Variants in B3GALT1 observed in about 807,000 individuals in gnomAD.
B3GALT1 encodes UDP-Gal:betaGlcNAc beta 1,3-galactosyltransferase, polypeptide 1.
B3GALT1 carries 10 observed loss-of-function variants against 23.2 expected under a neutral mutation model. The ratio of observed to expected loss-of-function variants is 0.43; its 90% confidence interval spans 0.27 to 0.73. B3GALT1 has a LOEUF of 0.73. B3GALT1 is among the 30% of genes least tolerant of loss of function. The pLI is 0.21. For synonymous variants in B3GALT1, 156 were observed against 141.5 expected (o/e 1.10, Z -0.73); for missense variants, 299 against 405.4 (o/e 0.74, Z 2.25).
intron 4 of B3GALT1, among the ~76,000 whole-genome samples, chr2:167,836,759 T>G (rs371787262): frequency 6.6e-6 from 1 of 151,900 alleles, no homozygotes; most frequent in African/African-American, 2.4e-5. Context: ...AGGAAAAAAT[T>G]TTAAGGCAGC....
intron 3 of B3GALT1, among the ~76,000 whole-genome samples, chr2:167,663,351 G>A (rs375765578): frequency 3.2e-4 from 49 of 151,248 alleles, no homozygotes; most frequent in Admixed American, 7.3e-4. Context: ...TTCTTAATCC[G>A]GTCTATCATT....
At chr2:167,379,319 T>C (rs1697809443) in intron 1 of B3GALT1, among the ~76,000 whole-genome samples, 1 of 152,136 alleles carries the variant, frequency 6.6e-6, no homozygotes. Context: ...ATGTGGGGAT[T>C]ATGGGGATTA....
intron 3 of B3GALT1, among the ~76,000 whole-genome samples, chr2:167,692,879 T>C (rs1208965182): frequency 1.3e-5 from 2 of 152,078 alleles, no homozygotes; most frequent in Admixed American, 6.6e-5. Context: ...GTGGATAATC[T>C]GGGAGAAAAC....
chr2:167,723,115 G>A (rs779492782), intron 3 of B3GALT1, among the ~76,000 whole-genome samples: 2 of 152,142 alleles, frequency 1.3e-5, no homozygotes, highest in Non-Finnish European at 2.9e-5. Flanking sequence ...CTTTTCTAAG[G>A]TTGTGATGAA....
chr2:167,707,371 G>T (rs921192744), intron 3 of B3GALT1, among the ~76,000 whole-genome samples: 10 of 152,136 alleles, frequency 6.6e-5, no homozygotes, highest in African/African-American at 2.4e-5. Flanking sequence ...ATTCTTGGTG[G>T]TTTAAAACAA....
At chr2:167,825,283 C>CAAAAA (rs71963760) in intron 4 of B3GALT1, among the ~76,000 whole-genome samples, 4 of 82,218 alleles carry the variant, frequency 4.9e-5, no homozygotes, top group Non-Finnish European at 7.3e-5. Context: ...GACTCCGTCT[C>CAAAAA]AAAAAAAAAA....
At chr2:167,403,253 G>T (rs1559086148) in intron 1 of B3GALT1, among the ~76,000 whole-genome samples, 1 of 69,600 alleles carries the variant, frequency 1.4e-5, no homozygotes, top group Non-Finnish European at 3.2e-5. Context: ...ATTCCCACCT[G>T]TGAGTGAGAA....
intron 1 of B3GALT1, among the ~76,000 whole-genome samples, chr2:167,375,571 A>G (rs1266312421): frequency 6.6e-6 from 1 of 151,980 alleles, no homozygotes; most frequent in Non-Finnish European, 1.5e-5. Context: ...GGTTAGATAT[A>G]TTCCTAGGTA....
intron 3 of B3GALT1, among the ~76,000 whole-genome samples, chr2:167,691,646 G>A (rs1266673650): frequency 6.6e-6 from 1 of 152,224 alleles, no homozygotes; most frequent in African/African-American, 2.4e-5. Flanking sequence ...TTTTGTTGGT[G>A]CGTAGCAGAT....
intron 2 of B3GALT1, among the ~76,000 whole-genome samples, chr2:167,535,780 C>T (rs73026017): frequency 0.029 from 4,371 of 152,048 alleles, 205 homozygotes; most frequent in African/African-American, 0.1. Context: ...ACTCCTGTTA[C>T]ATAGAATACA....
At chr2:167,666,297 G>T (rs185161006) in intron 3 of B3GALT1, among the ~76,000 whole-genome samples, 31 of 152,286 alleles carry the variant, frequency 2.0e-4, no homozygotes, top group Non-Finnish European at 3.7e-4. Flanking sequence ...TAGTTTGATT[G>T]CACTGTGGTC....
At chr2:167,499,038 C>T (rs945404530) in intron 2 of B3GALT1, among the ~76,000 whole-genome samples, 6 of 152,088 alleles carry the variant, frequency 3.9e-5, no homozygotes, top group Non-Finnish European at 7.4e-5. Flanking sequence ...TTGGTGGTTA[C>T]ACTTTTATAT....
intron 3 of B3GALT1, among the ~76,000 whole-genome samples, chr2:167,682,966 G>C (rs1352025988): frequency 2.6e-5 from 4 of 152,188 alleles, no homozygotes; most frequent in Non-Finnish European, 5.9e-5. Flanking sequence ...ATCATACAGA[G>C]CGTTCAGCTT....
intron 1 of B3GALT1, among the ~76,000 whole-genome samples, chr2:167,416,945 T>C (rs553045945): frequency 8.7e-4 from 133 of 152,344 alleles, no homozygotes; most frequent in African/African-American, 3.1e-3. Flanking sequence ...TATTATTGTA[T>C]CTTGAAAGTA....
intron 1 of B3GALT1, among the ~76,000 whole-genome samples, chr2:167,411,254 A>C (rs1372240759): frequency 2.0e-5 from 3 of 151,608 alleles, no homozygotes; most frequent in African/African-American, 7.3e-5. Flanking sequence ...ACAACAACAA[A>C]AATCAACAAA....
intron 2 of B3GALT1, among the ~76,000 whole-genome samples, chr2:167,534,675 C>G (rs184763661): frequency 3.4e-4 from 52 of 152,284 alleles, no homozygotes; most frequent in Admixed American, 2.0e-3. Flanking sequence ...TTTAATTTCT[C>G]TGCCAAGCAA....
At chr2:167,584,973 G>GC (rs1478990461) in intron 2 of B3GALT1, among the ~76,000 whole-genome samples, 13 of 152,112 alleles carry the variant, frequency 8.5e-5, no homozygotes, top group African/African-American at 2.9e-4. Flanking sequence ...TTAACCTTTT[G>GC]CCCCCCGTCT....
intron 2 of B3GALT1, among the ~76,000 whole-genome samples, chr2:167,625,220 A>AT (rs1685321208): frequency 6.6e-6 from 1 of 151,838 alleles, no homozygotes; most frequent in Non-Finnish European, 1.5e-5. Flanking sequence ...GTGCTTTTTG[A>AT]TTTTTAAAAA....
chr2:167,668,184 C>G (rs543068671), intron 3 of B3GALT1, among the ~76,000 whole-genome samples: 1 of 151,936 alleles, frequency 6.6e-6, no homozygotes, highest in East Asian at 2.0e-4. Flanking sequence ...GGACCCTCAG[C>G]TGCAGGTCTG....
Sources: gnomAD v4.1 joint callset for allele counts (sites outside exome capture counted in the v4.1 genomes callset) on GRCh38, gnomAD v4.1.1 for gene constraint, MANE v1.5 for transcripts, NCBI Gene and HGNC (gene_info 2026-07-23, HGNC 2026-07-21) for gene names.